C3orf20: variants seen among roughly 807,000 people sequenced by gnomAD.
C3orf20 encodes the protein family with sequence similarity 149 member C.
C3orf20 carries 76 observed loss-of-function variants against 88.3 expected under a neutral mutation model. The ratio of observed to expected loss-of-function variants is 0.86; its 90% confidence interval spans 0.72 to 1.04. C3orf20 has a LOEUF of 1.04. Ranked by LOEUF, C3orf20 falls within the 50% of genes least tolerant of loss-of-function variation. The pLI, the probability that C3orf20 is intolerant of heterozygous loss-of-function variation, is 0.00. For synonymous variants in C3orf20, 436 were observed against 437.4 expected, an observed-to-expected ratio of 1.00 and a Z score of 0.04; for missense variants, 1,056 against 1,123.3, an observed-to-expected ratio of 0.94 and a Z score of 0.86.
chr3:14,726,898 C>T lies in C3orf20; in HGVS notation c.1567-3C>T. On this transcript the variant is annotated splice_polypyrimidine_tract_variant and splice_region_variant and intron_variant, in intron 10 of 16. Coordinates refer to ENST00000253697, the MANE Select transcript of C3orf20 (RefSeq NM_032137.5). ...ACCCGCCCTCCCCTTTGCCCCTCTC[C>T]AGCTGAACCGCAGAATCAGCAACAT... 1.2e-6 allele frequency: 2 copies of T among 1,614,022 alleles called. No homozygotes were observed. Among genetic ancestry groups the T allele is most frequent in the Non-Finnish European group, 1.7e-6 (2 of 1,180,020 alleles).
chr3:14,692,302 A>AT (rs1190318380), intron 5 of C3orf20, among the ~76,000 whole-genome samples: 1 of 151,986 alleles, frequency 6.6e-6, no homozygotes, highest in East Asian at 1.9e-4. Flanking sequence ...CTCTATCTTT[A>AT]TTTTTTTGAG....
intron 7 of C3orf20, among the ~76,000 whole-genome samples, chr3:14,709,575 T>C (rs1485413505): frequency 6.6e-6 from 1 of 152,216 alleles, no homozygotes; most frequent in Non-Finnish European, 1.5e-5. Flanking sequence ...TTTTTAATCA[T>C]GAAAGGGTAT....
chr3:14,732,403 A>G (rs1202902894), intron 12 of C3orf20, among the ~76,000 whole-genome samples: 1 of 152,224 alleles, frequency 6.6e-6, no homozygotes, highest in Non-Finnish European at 1.5e-5. Flanking sequence ...ATGTGACTTG[A>G]AATATTTTCT....
At chr3:14,696,947 AT>A (rs1247924839) in intron 5 of C3orf20, among the ~76,000 whole-genome samples, 7 of 152,144 alleles carry the variant, frequency 4.6e-5, no homozygotes, top group South Asian at 2.1e-4. Context: ...AAGATATACT[AT>A]TCTAGGGTAA....
At chr3:14,723,075 A>C (rs1451002948) in intron 10 of C3orf20, among the ~76,000 whole-genome samples, 1 of 152,242 alleles carries the variant, frequency 6.6e-6, no homozygotes, top group Non-Finnish European at 1.5e-5. Context: ...CCCAGTTTAT[A>C]CCAGAGCAAT....
chr3:14,729,712 A>C (rs561261121), intron 12 of C3orf20, among the ~76,000 whole-genome samples: 2 of 152,114 alleles, frequency 1.3e-5, no homozygotes, highest in Non-Finnish European at 2.9e-5. Flanking sequence ...CGCCTGCCTA[A>C]GTTTTGTATT....
At chr3:14,715,954 C>T (rs1168910660) in intron 9 of C3orf20, among the ~76,000 whole-genome samples, 1 of 151,174 alleles carries the variant, frequency 6.6e-6, no homozygotes. Flanking sequence ...ATAAAGAGGG[C>T]TGAATTATTA....
chr3:14,722,148 T>C lies in C3orf20; in HGVS notation c.1566+364T>C, dbSNP rs555579784. On this transcript the variant is annotated intron_variant, in intron 10 of 16. Coordinates refer to ENST00000253697, the MANE Select transcript of C3orf20 (RefSeq NM_032137.5). ...GCATCTCTTGGCTCTGCTTTCCTCT[T>C]TGTTGGCTTCATTCTCAAGGAGTTT... The C allele has an allele frequency of 1.0e-5, 3 of 288,324 alleles. No individual in the cohort carries two copies. The Admixed American group carries it at 1.3e-4, about 13-fold the overall frequency. 17.9% of individuals were successfully genotyped at this position (288,324 alleles called of 1,614,324 possible).
At chr3:14,740,657 C>T (rs2034873832) in intron 12 of C3orf20, among the ~76,000 whole-genome samples, 1 of 152,100 alleles carries the variant, frequency 6.6e-6, no homozygotes, top group Non-Finnish European at 1.5e-5. Flanking sequence ...TGAAGTATGT[C>T]TGTATTTCTT....
chr3:14,699,581 C>T lies in C3orf20; in HGVS notation c.746-3549C>T, dbSNP rs146028941. 5.2e-3 allele frequency among the ~76,000 whole-genome samples: 796 copies of T among 152,318 alleles called. 5 individuals carry two copies. Among genetic ancestry groups the T allele is most frequent in the Non-Finnish European group, 9.2e-3 (624 of 68,040 alleles). ...AGGGCCTGGAATGGGGGCCTCATGACGCTAACTTGTACCCTATCCTACTGT... is the reference window on the plus strand; with the variant it reads ...AGGGCCTGGAATGGGGGCCTCATGATGCTAACTTGTACCCTATCCTACTGT... On this transcript the variant is annotated intron_variant, in intron 5 of 16. Transcript: ENST00000253697.
At position 14,772,075 on chromosome 3, in the gene C3orf20, A is replaced by G; in HGVS notation, c.2504A>G (p.Asn835Ser). 1 of 1,613,956 alleles carries G rather than the reference A, an allele frequency of 6.2e-7. No homozygotes were observed. The highest frequency in any genetic ancestry group is 1.1e-5 in the South Asian group (1 of 91,074). ...CCCTGCCTCCCCTGCAGTGTTCCCAACTCTGTCCTGAGCCTGGAGGATTCT... is the reference window on the plus strand; with the variant it reads ...CCCTGCCTCCCCTGCAGTGTTCCCAGCTCTGTCCTGAGCCTGGAGGATTCT... ...LPDDYKFSVP[N>S]SVLSLEDSES... is the part of the protein sequence containing the mutation. The change falls in exon 16 of 17, where the codon AAC becomes AGC. Residue 835 changes from asparagine to serine, a missense_variant. Transcript: ENST00000253697. The surrounding 1 kb of genome is among the most constrained non-coding windows in gnomAD (Gnocchi z 4.2).
intron 7 of C3orf20, among the ~76,000 whole-genome samples, chr3:14,708,286 A>G (rs1312158556): frequency 1.3e-5 from 2 of 152,290 alleles, no homozygotes; most frequent in East Asian, 3.9e-4. Flanking sequence ...TTCTTTCCCC[A>G]TTGAATGGTC....
rs958465290 is a variant in C3orf20 at position 14,717,082 on chromosome 3, A to T, written c.1434+1673A>T. On this transcript the variant is annotated intron_variant, in intron 9 of 16. Transcript: ENST00000253697. ...GGAGAACTGGGATAAGAACCTGAGG[A>T]GCTAAGTACTAGTGCCAACTTTGCC... 3.9e-5 allele frequency among the ~76,000 whole-genome samples: 6 copies of T among 152,190 alleles called. No homozygotes were observed. In the South Asian group the frequency reaches 8.3e-4, roughly 21 times the overall value.
chr3:14,686,690 T>C (rs999478951), intron 4 of C3orf20, among the ~76,000 whole-genome samples: 6 of 152,238 alleles, frequency 3.9e-5, no homozygotes, highest in African/African-American at 1.4e-4. Flanking sequence ...GTTTTTGCTC[T>C]GCAGTGTTTT....
At chr3:14,691,504 C>G (rs1043234962) in intron 5 of C3orf20, among the ~76,000 whole-genome samples, 9 of 152,340 alleles carry the variant, frequency 5.9e-5, no homozygotes, top group Admixed American at 3.9e-4. Context: ...TACAGAAGTC[C>G]TCCGTATCCA....
chr3:14,712,904 T>C (rs1019061181), intron 7 of C3orf20, among the ~76,000 whole-genome samples: 1 of 152,204 alleles, frequency 6.6e-6, no homozygotes, highest in African/African-American at 2.4e-5. Flanking sequence ...TTTTGAAGAA[T>C]AATTTTGCTT....
chr3:14,690,189 CTG>C, intron 5 of C3orf20, 73 bp downstream of exon 5: 1 of 1,600,020 alleles, frequency 6.2e-7, no homozygotes, highest in Non-Finnish European at 8.5e-7. Flanking sequence ...TCCGTCTACC[CTG>C]TGTAGGTTGG....
chr3:14,714,563 A>G (rs1311093749), intron 8 of C3orf20, among the ~76,000 whole-genome samples: 2 of 152,188 alleles, frequency 1.3e-5, no homozygotes, highest in South Asian at 2.1e-4. Flanking sequence ...CTTGCCATCC[A>G]AAGGTTGATA....
At chr3:14,685,683 C>T (rs2032378291) in intron 4 of C3orf20, among the ~76,000 whole-genome samples, 1 of 152,110 alleles carries the variant, frequency 6.6e-6, no homozygotes, top group Non-Finnish European at 1.5e-5. Context: ...TGCCACCCTC[C>T]AGTCCCTGTC....
Sources: allele counts gnomAD v4.1 joint callset (sites outside exome capture counted in the v4.1 genomes callset), GRCh38; gene constraint gnomAD v4.1.1; non-coding constraint Gnocchi (gnomAD v3.1); transcripts MANE v1.5; gene names NCBI Gene and HGNC (gene_info 2026-07-23, HGNC 2026-07-21).